RIC3: variants seen among roughly 807,000 people sequenced by gnomAD.
RIC3 encodes the protein protein RIC-3.
RIC3 carries 28 observed loss-of-function variants against 27.3 expected under a neutral mutation model. The observed-to-expected ratio is 1.02, with a 90% CI of 0.76 to 1.41. The LOEUF (loss-of-function observed/expected upper bound fraction) is 1.41. Among genes scored for constraint, RIC3 ranks in the 40% most tolerant of loss-of-function variants. The pLI, the probability that RIC3 is intolerant of heterozygous loss-of-function variation, is 0.00. For missense variants in RIC3, 501 were observed against 444.7 expected, an observed-to-expected ratio of 1.13 and a Z score of -1.14; for synonymous variants, 184 against 160.4, an observed-to-expected ratio of 1.15 and a Z score of -1.11.
At chr11:8,093,644 T>C in the RIC3 span, among the ~76,000 whole-genome samples, 1 of 152,160 alleles carries the variant, frequency 6.6e-6, no homozygotes, top group Non-Finnish European at 1.5e-5. Context: ...TTGCCCTGGT[T>C]GTGGTCTCTT....
chr11:8,101,332 A>C (rs1247091912), downstream of RIC3, among the ~76,000 whole-genome samples: 1 of 151,878 alleles, frequency 6.6e-6, no homozygotes, highest in Non-Finnish European at 1.5e-5. Flanking sequence ...ACTTCTCCCA[A>C]TTGGCCTTTG....
chr11:8,136,493 T>C lies in RIC3; in HGVS notation c.521+885A>G, dbSNP rs541761611. ...TGGTTTTTCCTTCTTGGCCTTTCTA[T>C]ATCCACGTTTTCTTGGTTGTTGTCC... On this transcript the variant is annotated intron_variant, in intron 4 of 5. Coordinates refer to ENST00000309737, the MANE Select transcript of RIC3 (RefSeq NM_001206671.4). Among the ~76,000 whole-genome samples, 3 of 152,326 alleles carry C rather than the reference T, an allele frequency of 2.0e-5. No individual in the cohort carries two copies. The South Asian group carries it at 6.2e-4, about 32-fold the overall frequency.
chr11:8,124,277 T>G (rs943461605), intron 5 of RIC3, among the ~76,000 whole-genome samples: 1 of 152,072 alleles, frequency 6.6e-6, no homozygotes, highest in South Asian at 2.1e-4. Flanking sequence ...AGGATTACCC[T>G]GAAATCAAAA....
rs751710207 is a variant in RIC3, at chr11:8,126,726, T to C, written c.603A>G (p.Gly201=). ...CTGGAGAAAATCTGTCAATGAATTT[T>C]CCTTCTTTCATGACCCTGGTGATTT... ...LREITRVMKE[G]KFIDRFSPEK... is the part of the protein sequence containing the mutation. The change falls in exon 5 of 6, where the codon GGA becomes GGG. Residue 201 remains glycine (G), a synonymous_variant. Coordinates refer to ENST00000309737, the MANE Select transcript of RIC3 (RefSeq NM_001206671.4). 8 of 1,614,182 alleles carry C rather than the reference T, an allele frequency of 5.0e-6. No individual in the cohort carries two copies. Among genetic ancestry groups the C allele is most frequent in the Middle Eastern group, 1.6e-4 (1 of 6,062 alleles).
At chr11:8,143,878 A>G (rs1949354590) in intron 1 of RIC3, among the ~76,000 whole-genome samples, 1 of 152,112 alleles carries the variant, frequency 6.6e-6, no homozygotes, top group African/African-American at 2.4e-5. Context: ...AACGCCGCAT[A>G]TCTACAACGA....
At chr11:8,121,653 T>C (rs1258971239) in intron 5 of RIC3, among the ~76,000 whole-genome samples, 4 of 152,088 alleles carry the variant, frequency 2.6e-5, no homozygotes, top group Admixed American at 1.3e-4. Flanking sequence ...GAGGCAGAGG[T>C]TGCAGGGAGC....
the RIC3 span, chr11:8,094,178 G>C: frequency 6.2e-7 from 1 of 1,612,960 alleles, no homozygotes; most frequent in South Asian, 1.1e-5. Flanking sequence ...GAGAAGAAGG[G>C]AAAGCACAAA....
intron 4 of RIC3, among the ~76,000 whole-genome samples, chr11:8,127,913 A>G (rs747892578): frequency 4.6e-4 from 70 of 152,250 alleles, no homozygotes; most frequent in African/African-American, 7.2e-5. Flanking sequence ...TCCTTTCAAC[A>G]TGAAGATAGT....
At chr11:8,133,923 C>T (rs1304433512) in intron 4 of RIC3, among the ~76,000 whole-genome samples, 5 of 151,614 alleles carry the variant, frequency 3.3e-5, no homozygotes, top group African/African-American at 1.2e-4. Flanking sequence ...CCCCAAGCTC[C>T]AGGAGTTGGG....
the RIC3 span, chr11:8,098,695 G>T: frequency 7.8e-7 from 1 of 1,276,082 alleles, no homozygotes; most frequent in South Asian, 1.2e-5. Flanking sequence ...GACAGACGAT[G>T]AGCTGTTCCC....
downstream of RIC3, chr11:8,101,364 C>A: frequency 7.7e-7 from 1 of 1,295,732 alleles, no homozygotes; most frequent in Non-Finnish European, 1.1e-6. Context: ...TTTGTGATTC[C>A]CCTGGCATCT....
the RIC3 span, chr11:8,095,529 C>G: frequency 6.2e-7 from 1 of 1,612,566 alleles, no homozygotes; most frequent in East Asian, 2.2e-5. Flanking sequence ...TGGCAGAAGA[C>G]AAGTCTGAGG....
At chr11:8,095,514 A>G in the RIC3 span, 1 of 1,610,606 alleles carries the variant, frequency 6.2e-7, no homozygotes, top group African/African-American at 1.3e-5. Flanking sequence ...GCGGGCCAGC[A>G]GCACTGGCAG....
chr11:8,156,364 A>G (rs572059344), intron 1 of RIC3, among the ~76,000 whole-genome samples: 8 of 152,192 alleles, frequency 5.3e-5, no homozygotes, highest in African/African-American at 9.7e-5. Context: ...TGGAGGTTAA[A>G]TTAATCTTTC....
chr11:8,168,872 G>A lies in RIC3; in HGVS notation c.118C>T (p.Pro40Ser), dbSNP rs774221115. 21 of 1,611,236 alleles carry A rather than the reference G, an allele frequency of 1.3e-5. No individual in the cohort carries two copies. In the East Asian group the frequency reaches 1.6e-4, roughly 12 times the overall value. The change falls in exon 1 of 6, where the codon CCT becomes TCT. Residue 40 changes from proline to serine, a missense_variant. Pro to Ser is a moderately conservative substitution (Grantham distance 74). Transcript: ENST00000309737. The part of the protein sequence containing the change: ...RGKRQEPPPT[P>S]EGKLGRFPPM... ...GGAGCTGGCCTGCTCTTACCTTCAGGTGTCGGCGGCGGCTCCTGCCGCTTC... is the reference window on the plus strand; with the variant it reads ...GGAGCTGGCCTGCTCTTACCTTCAGATGTCGGCGGCGGCTCCTGCCGCTTC...
At chr11:8,121,725 AAAT>A (rs895798052) in intron 5 of RIC3, among the ~76,000 whole-genome samples, 88 of 152,304 alleles carry the variant, frequency 5.8e-4, no homozygotes, top group African/African-American at 1.9e-3. Flanking sequence ...GTCTCAAAAA[AAAT>A]AATAATAACT....
intron 1 of RIC3, among the ~76,000 whole-genome samples, chr11:8,168,169 C>G (rs958918177): frequency 6.6e-6 from 1 of 152,160 alleles, no homozygotes. Context: ...CAGCACCGTG[C>G]CTTTACACTC....
chr11:8,103,996 C>T (rs533584429), downstream of RIC3: 1 of 152,342 alleles, frequency 6.6e-6, no homozygotes, highest in African/African-American at 2.4e-5. Flanking sequence ...AGGATAGCCT[C>T]AGCCACAAAA....
chr11:8,141,160 G>T (rs1949014482), intron 1 of RIC3, among the ~76,000 whole-genome samples: 1 of 149,626 alleles, frequency 6.7e-6, no homozygotes, highest in South Asian at 2.2e-4. Context: ...CATAATGACA[G>T]GATCAAATTC....
Sources: gnomAD v4.1 joint callset for allele counts (sites outside exome capture counted in the v4.1 genomes callset) on GRCh38, gnomAD v4.1.1 for gene constraint, MANE v1.5 for transcripts, NCBI Gene and HGNC (gene_info 2026-07-23, HGNC 2026-07-21) for gene names.